Variants in DPP6 observed in about 807,000 individuals in gnomAD.
DPP6 encodes dipeptidyl peptidase like 6, also known as A-type potassium channel modulatory protein DPP6.
DPP6 carries 69 observed loss-of-function variants against 122.6 expected under a neutral mutation model. The observed-to-expected ratio is 0.56, with a 90% CI of 0.46 to 0.69. The LOEUF is 0.69. DPP6 is among the 30% of genes least tolerant of loss of function. DPP6 has a pLI of 0.00. For missense variants in DPP6, 928 were observed against 1,116.9 expected (o/e 0.83, Z 2.41); for synonymous variants, 418 against 433.1 (o/e 0.97, Z 0.43).
At chr7:154,712,952 A>C (rs1193325243) in intron 7 of DPP6, among the ~76,000 whole-genome samples, 2 of 152,228 alleles carry the variant, frequency 1.3e-5, no homozygotes, top group Non-Finnish European at 2.9e-5. Flanking sequence ...ATCTGAGACA[A>C]GGCAAGTCCC....
chr7:153,764,986 CCTT>C, the DPP6 span, among the ~76,000 whole-genome samples: 1 of 152,236 alleles, frequency 6.6e-6, no homozygotes, highest in African/African-American at 2.4e-5. Context: ...CTCTGTGACA[CCTT>C]CTCCTTTGGC....
chr7:154,100,123 C>T (rs1256028571), intron 1 of DPP6, among the ~76,000 whole-genome samples: 2 of 111,162 alleles, frequency 1.8e-5, no homozygotes, highest in East Asian at 2.7e-4. Flanking sequence ...ATGTATGAAT[C>T]TGGAGTTCAC....
intron 1 of DPP6, among the ~76,000 whole-genome samples, chr7:154,182,187 C>T (rs185129562): frequency 3.2e-4 from 49 of 152,258 alleles, no homozygotes; most frequent in Middle Eastern, 3.4e-3. Context: ...AATACCATTG[C>T]ACACTGAAAC....
At chr7:154,457,351 G>A (rs1820908605) in intron 2 of DPP6, among the ~76,000 whole-genome samples, 1 of 17,338 alleles carries the variant, frequency 5.8e-5, no homozygotes, top group African/African-American at 1.9e-4. Flanking sequence ...CGGAGAAATA[G>A]GAACACTTTT....
At chr7:154,023,655 G>A (rs1055020302) in intron 1 of DPP6, among the ~76,000 whole-genome samples, 33 of 151,846 alleles carry the variant, frequency 2.2e-4, no homozygotes, top group Non-Finnish European at 4.7e-4. Flanking sequence ...CTAATTTTTT[G>A]TATTTTAATA....
intron 17 of DPP6, among the ~76,000 whole-genome samples, chr7:154,857,868 G>C (rs1462924574): frequency 6.6e-6 from 1 of 152,192 alleles, no homozygotes; most frequent in African/African-American, 2.4e-5. Flanking sequence ...CTTGAGATCA[G>C]TTGTCCTCTT....
intron 4 of DPP6, among the ~76,000 whole-genome samples, chr7:154,545,830 C>G (rs55852954): frequency 0.029 from 4,452 of 152,298 alleles, 102 homozygotes; most frequent in East Asian, 0.1. Flanking sequence ...CGCACCAGTT[C>G]AGAATGAGTC....
At chr7:154,334,068 A>G (rs1354668362) in intron 1 of DPP6, among the ~76,000 whole-genome samples, 1 of 152,204 alleles carries the variant, frequency 6.6e-6, no homozygotes, top group Non-Finnish European at 1.5e-5. Context: ...GCTAGTTTAA[A>G]TTATTCCGGT....
intron 1 of DPP6, among the ~76,000 whole-genome samples, chr7:154,415,437 G>A (rs903516979): frequency 1.3e-5 from 2 of 152,128 alleles, no homozygotes; most frequent in Non-Finnish European, 1.5e-5. Flanking sequence ...CTTAAATTTG[G>A]TGTGAGTAGT....
intron 2 of DPP6, among the ~76,000 whole-genome samples, chr7:154,462,315 T>C (rs1821368329): frequency 6.6e-6 from 1 of 152,222 alleles, no homozygotes; most frequent in Admixed American, 6.5e-5. Flanking sequence ...GTTTTGTTCA[T>C]TTTACTTAGA....
intron 1 of DPP6, among the ~76,000 whole-genome samples, chr7:154,007,681 C>T (rs1470400025): frequency 6.6e-6 from 1 of 152,100 alleles, no homozygotes; most frequent in Non-Finnish European, 1.5e-5. Context: ...ACGCTCCCTA[C>T]ATCTCAATAG....
intron 16 of DPP6, among the ~76,000 whole-genome samples, chr7:154,818,621 T>G (rs1799565340): frequency 6.6e-6 from 1 of 152,244 alleles, no homozygotes; most frequent in Admixed American, 6.5e-5. Context: ...ACAAATGGTT[T>G]GGTTCTACAA....
chr7:154,098,998 A>C lies in DPP6; in HGVS notation c.243+45935A>C, dbSNP rs190702728. Among the ~76,000 whole-genome samples the C allele has an allele frequency of 3.7e-3, 564 of 152,340 alleles. 2 individuals carry two copies. Among genetic ancestry groups the C allele is most frequent in the African/African-American group, 0.013 (543 of 41,566 alleles). On this transcript the variant is annotated intron_variant, in intron 1 of 25. Coordinates refer to ENST00000377770, the MANE Select transcript of DPP6 (RefSeq NM_130797.4). ...AGCCTTTAAATTTGTTTTGCAAACA[A>C]TCACATCAGGATTTGTTCTAATATA...
intron 6 of DPP6, among the ~76,000 whole-genome samples, chr7:154,660,533 C>T (rs185272849): frequency 0.1 from 14,276 of 140,626 alleles, 1,311 homozygotes; most frequent in African/African-American, 0.14. Context: ...GGCATATTGG[C>T]GCTAGTGTTC....
intron 8 of DPP6, among the ~76,000 whole-genome samples, chr7:154,747,997 G>A (rs537821397): frequency 6.6e-6 from 1 of 152,322 alleles, no homozygotes; most frequent in East Asian, 1.9e-4. Context: ...AGGGGTACAA[G>A]CTGTCAGCTG....
chr7:154,064,087 C>G (rs530153925), intron 1 of DPP6, among the ~76,000 whole-genome samples: 1 of 152,042 alleles, frequency 6.6e-6, no homozygotes, highest in Non-Finnish European at 1.5e-5. Context: ...GGAAAAGCCA[C>G]TGAGTTGTTC....
chr7:154,463,358 C>A (rs2151322184), intron 2 of DPP6, among the ~76,000 whole-genome samples: 1 of 151,944 alleles, frequency 6.6e-6, no homozygotes, highest in Middle Eastern at 3.4e-3. Context: ...CAGGCGCGCG[C>A]CACCACGCCC....
At chr7:154,128,853 A>C (rs1808147805) in intron 1 of DPP6, among the ~76,000 whole-genome samples, 1 of 149,408 alleles carries the variant, frequency 6.7e-6, no homozygotes. Context: ...GGGAGGTATA[A>C]CTACAGAATC....
chr7:153,928,396 A>ATTTTTTTTTTTTTTTTTTTTTTTTTCTTT (rs71182854), intron 1 of DPP6, among the ~76,000 whole-genome samples: 1 of 43,672 alleles, frequency 2.3e-5, no homozygotes, highest in African/African-American at 7.9e-5. Flanking sequence ...CTTTTCTTTC[A>ATTTTTTTTTTTTTTTTTTTTTTTTTCTTT]TTTTTTTTTT....
Sources: allele counts gnomAD v4.1 joint callset (sites outside exome capture counted in the v4.1 genomes callset), GRCh38; gene constraint gnomAD v4.1.1; transcripts MANE v1.5; gene names NCBI Gene and HGNC (gene_info 2026-07-23, HGNC 2026-07-21).